Variants in FGFRL1 observed in about 807,000 individuals in gnomAD.
FGFRL1 encodes fibroblast growth factor receptor-like 1.
In FGFRL1, 24 loss-of-function variants were observed where a neutral mutation model predicts 36.8. That is an observed-to-expected ratio of 0.65 (90% CI 0.47 to 0.92). FGFRL1 has a LOEUF of 0.92. Ranked by LOEUF, FGFRL1 falls within the 40% of genes least tolerant of loss-of-function variation. The probability of loss-of-function intolerance (pLI) is 0.00; values close to 1 mark genes in which losing one functional copy is unlikely to be tolerated. For synonymous variants in FGFRL1, 422 were observed against 344.1 expected, an observed-to-expected ratio of 1.23 and a Z score of -2.50; for missense variants, 785 against 753.4, an observed-to-expected ratio of 1.04 and a Z score of -0.49.
At chr4:1,016,032 G>C (rs1715869351) in intron 2 of FGFRL1, among the ~76,000 whole-genome samples, 1 of 152,220 alleles carries the variant, frequency 6.6e-6, no homozygotes, top group Non-Finnish European at 1.5e-5. Flanking sequence ...GACAGGCCCG[G>C]TGCCCTCCTG....
Position 1,023,654 on chromosome 4 carries a change from A to G in FGFRL1, c.366A>G (p.Pro122=), listed in dbSNP as rs1716321295. 1 of 1,601,822 alleles carries G rather than the reference A, an allele frequency of 6.2e-7. No individual in the cohort carries two copies. The highest frequency in any genetic ancestry group is 8.5e-7 in the Non-Finnish European group (1 of 1,176,406). Residue 122 remains proline, a synonymous_variant, in exon 4 of 7, where the codon CCA becomes CCG. Transcript: ENST00000510644. The surrounding 1 kb of genome is among the most constrained non-coding windows in gnomAD (Gnocchi z 6.0). Reference sequence around the variant, plus strand: ...GTCTCTCTGCAGATGACATTAGCCCAGGGAAGGAGAGCCTGGGGCCCGACA... The same window carrying G: ...GTCTCTCTGCAGATGACATTAGCCCGGGGAAGGAGAGCCTGGGGCCCGACA... ...YTLVVLDDIS[P]GKESLGPDSS... is the part of the protein sequence containing the mutation.
chr4:1,010,579 G>A (rs1415516998), upstream of FGFRL1, among the ~76,000 whole-genome samples: 1 of 152,244 alleles, frequency 6.6e-6, no homozygotes, highest in African/African-American at 2.4e-5. Context: ...CAGAAAGAGA[G>A]GCTGCTCTGG....
chr4:1,014,968 C>T (rs769864699), intron 2 of FGFRL1, among the ~76,000 whole-genome samples: 5 of 152,238 alleles, frequency 3.3e-5, no homozygotes, highest in African/African-American at 7.2e-5. Flanking sequence ...AATGGGCCTC[C>T]GGGCTCCCTT....
At position 1,026,634 on chromosome 4, in the gene FGFRL1, C is replaced by G. The variant is rs1011301196; in HGVS notation, c.*1287C>G. 1.4e-5 allele frequency: 4 copies of G among 288,318 alleles called. No individual in the cohort carries two copies. Among genetic ancestry groups the G allele is most frequent in the South Asian group, 1.2e-4 (4 of 32,010 alleles). The allele number at this position is 288,318 out of a possible 1,614,324, so 17.9% of individuals were successfully genotyped here. On this transcript the variant is annotated 3_prime_UTR_variant, in exon 7 of 7. Transcript: ENST00000510644. The stretch of plus-strand genomic sequence containing the variant: ...TCTCCCCCTGACACAGAGAAGGGGC[C>G]TTGGTATTTATATTTAAGAAATGAA...
At position 1,012,527 on chromosome 4, in the gene FGFRL1, G is replaced by A; in HGVS notation, c.42G>A (p.Leu14=). Reference sequence around the variant, plus strand: ...TGTTGCTGCTCCTGCTGCCGCCGCTGCTGCTGGGGGCCTTCCCGCCGGCCG... The same window carrying A: ...TGTTGCTGCTCCTGCTGCCGCCGCTACTGCTGGGGGCCTTCCCGCCGGCCG... ...SPLLLLLLPP[L]LLGAFPPAAA... Residue 14 remains leucine, a synonymous_variant, in exon 2 of 7, where the codon CTG becomes CTA. Transcript: ENST00000510644. The A allele has an allele frequency of 6.5e-7, 1 of 1,535,890 alleles. No individual in the cohort carries two copies. Among genetic ancestry groups the A allele is most frequent in the Non-Finnish European group, 8.7e-7 (1 of 1,145,626 alleles).
chr4:1,024,569 C>T lies in FGFRL1; in HGVS notation c.977C>T (p.Thr326Ile). ...DGSYLNKLLI[T>I]RARQDDAGMY... ...TCCTACCTCAATAAGCTGCTCATCA[C>T]CCGTGCCCGCCAGGACGATGCGGGC... Residue 326 changes from threonine to isoleucine, a missense_variant, in exon 6 of 7, where the codon ACC (threonine) becomes ATC (isoleucine). By Grantham distance (89) the Thr-to-Ile change is moderately conservative. Transcript: ENST00000510644. 6.2e-7 allele frequency: 1 copy of T among 1,612,466 alleles called. No homozygotes were observed. The highest frequency in any genetic ancestry group is 2.2e-5 in the East Asian group (1 of 44,874).
rs747654089 is a variant in FGFRL1, at chr4:1,025,052, C to A, written c.1220C>A (p.Thr407Asn). The change falls in exon 7 of 7, where the codon ACC becomes AAC. Residue 407 changes from threonine to asparagine, a missense_variant. By Grantham distance (65) the Thr-to-Asn change is moderately conservative (BLOSUM62 0). Transcript: ENST00000510644. ...WLCQAQKKPC[T>N]PAPAPPLPGH... ...TGCCAGGCCCAGAAGAAGCCGTGCA[C>A]CCCCGCGCCTGCCCCTCCCCTGCCT... 19 of 1,609,888 alleles carry A rather than the reference C, an allele frequency of 1.2e-5. No homozygotes were observed. The South Asian group carries it at 1.9e-4, about 16-fold the overall frequency.
At position 1,022,257 on chromosome 4, in the gene FGFRL1, G is replaced by T. The variant is rs747436071; in HGVS notation, c.134G>T (p.Arg45Leu). 1.3e-6 allele frequency: 2 copies of T among 1,583,758 alleles called. No homozygotes were observed. Among genetic ancestry groups the T allele is most frequent in the Non-Finnish European group, 1.7e-6 (2 of 1,165,642 alleles). The change falls in exon 3 of 7, where the codon CGC (arginine) becomes CTC (leucine). Residue 45 changes from arginine (R) to leucine (L), a missense_variant. By Grantham distance (102) the Arg-to-Leu change is moderately radical (BLOSUM62 -2). Transcript: ENST00000510644. ...VVPRQVARLGRTVRLQCPVEG... is the reference protein window; with the variant it reads ...VVPRQVARLGLTVRLQCPVEG... ...CCACGGCAGGTGGCCCGGCTGGGCC[G>T]CACTGTGCGGCTGCAGTGCCCAGTG...
At chr4:1,020,492 G>C (rs1266809453) in intron 2 of FGFRL1, among the ~76,000 whole-genome samples, 2 of 151,662 alleles carry the variant, frequency 1.3e-5, no homozygotes, top group African/African-American at 4.8e-5. Flanking sequence ...TCTGAGGCCT[G>C]CAGGGTCTGT....
rs1560074997 is a variant in FGFRL1, at chr4:1,026,812, ATC to A, written c.*1469_*1470del. On this transcript the variant is annotated 3_prime_UTR_variant, in exon 7 of 7. Coordinates refer to ENST00000510644, the MANE Select transcript of FGFRL1 (RefSeq NM_001004356.3). The stretch of plus-strand genomic sequence containing the variant: ...CACCCCACTGTCGTGGTGGCCCCAG[ATC>A]TCTGTAATTTTATGTAGAGTTTGAG... The A allele has an allele frequency of 1.5e-5, 7 of 455,298 alleles. No individual in the cohort carries two copies. In the Admixed American group the frequency reaches 1.6e-4, roughly 11 times the overall value. The allele number at this position is 455,298 out of a possible 1,614,324, so 28.2% of individuals were successfully genotyped here.
chr4:1,020,007 C>T (rs751645353), intron 2 of FGFRL1, among the ~76,000 whole-genome samples: 1 of 152,238 alleles, frequency 6.6e-6, no homozygotes, highest in Non-Finnish European at 1.5e-5. Flanking sequence ...CCCTGGGCAA[C>T]GCCCCCTGTG....
At chr4:1,014,724 G>T (rs1409542740) in intron 2 of FGFRL1, among the ~76,000 whole-genome samples, 1 of 152,230 alleles carries the variant, frequency 6.6e-6, no homozygotes, top group Non-Finnish European at 1.5e-5. Context: ...AGGCCCTTCC[G>T]GGCAGTGGCT....
At chr4:1,024,759 C>T in intron 6 of FGFRL1, 95 bp downstream of exon 6, 2 of 1,420,960 alleles carry the variant, frequency 1.4e-6, no homozygotes, top group Non-Finnish European at 1.9e-6. Context: ...CCACCCTTCC[C>T]TCCCGGGCCG....
At position 1,023,349 on chromosome 4, in the gene FGFRL1, C is replaced by T. The variant is rs112059095; in HGVS notation, c.353-292C>T. ...GGCTAGGGTTACTGCAGCTGCTGGCCGGGCCCGGCTCCCTCCTCCCCCGGG... is the reference window on the plus strand; with the variant it reads ...GGCTAGGGTTACTGCAGCTGCTGGCTGGGCCCGGCTCCCTCCTCCCCCGGG... On this transcript the variant is annotated intron_variant, in intron 3 of 6. Coordinates refer to ENST00000510644, the MANE Select transcript of FGFRL1 (RefSeq NM_001004356.3). The surrounding 1 kb of genome is among the most constrained non-coding windows in gnomAD (Gnocchi z 6.0). Among the ~76,000 whole-genome samples, 2,490 of 152,142 alleles carry T rather than the reference C, an allele frequency of 0.016. 62 individuals carry two copies. Among genetic ancestry groups the T allele is most frequent in the African/African-American group, 0.054 (2,253 of 41,496 alleles).
chr4:1,024,386 C>T lies in FGFRL1; in HGVS notation c.794C>T (p.Ser265Phe). ...ACGGTGGACTTCGGGGGGACCACGT[C>T]CTTCCAGTGCAAGGTGCGCAGCGAC... is the stretch of plus-strand genomic sequence containing the variant. ...NTTVDFGGTTSFQCKVRSDVK... is the reference protein window; with the variant it reads ...NTTVDFGGTTFFQCKVRSDVK... Residue 265 changes from serine (S) to phenylalanine (F), a missense_variant, in exon 6 of 7, where the codon TCC becomes TTC. Transcript: ENST00000510644. The T allele has an allele frequency of 3.1e-6, 5 of 1,612,586 alleles. No individual in the cohort carries two copies. The highest frequency in any genetic ancestry group is 4.2e-6 in the Non-Finnish European group (5 of 1,179,828).
chr4:1,010,394 G>A (rs1471605226), upstream of FGFRL1, among the ~76,000 whole-genome samples: 3 of 152,254 alleles, frequency 2.0e-5, no homozygotes, highest in Non-Finnish European at 4.4e-5. Flanking sequence ...CGCTGGGCTG[G>A]GAACCAGCAC....
chr4:1,022,393 G>T lies in FGFRL1; in HGVS notation c.270G>T (p.Glu90Asp). The change falls in exon 3 of 7, where the codon GAG becomes GAT. Residue 90 changes from glutamate to aspartate, a missense_variant. Physicochemically the swap from Glu to Asp is conservative, Grantham distance 45. Transcript: ENST00000510644. ...LPQGLKVKQVEREDAGVYVCK... is the reference protein window; with the variant it reads ...LPQGLKVKQVDREDAGVYVCK... The stretch of plus-strand genomic sequence containing the variant: ...AGGGGCTGAAGGTGAAGCAGGTGGA[G>T]CGGGAGGATGCCGGCGTGTACGTGT... The T allele has an allele frequency of 6.2e-7, 1 of 1,611,642 alleles. No individual in the cohort carries two copies. Among genetic ancestry groups the T allele is most frequent in the South Asian group, 1.1e-5 (1 of 90,974 alleles).
intron 3 of FGFRL1, among the ~76,000 whole-genome samples, chr4:1,022,937 C>T (rs957533732): frequency 2.0e-5 from 3 of 152,196 alleles, no homozygotes; most frequent in Middle Eastern, 3.4e-3. Flanking sequence ...CCTAGGGACC[C>T]GGCACCCCGC....
intron 2 of FGFRL1, among the ~76,000 whole-genome samples, chr4:1,014,968 CG>C (rs1482680996): frequency 6.6e-6 from 1 of 152,238 alleles, no homozygotes; most frequent in Non-Finnish European, 1.5e-5. Context: ...AATGGGCCTC[CG>C]GGCTCCCTTT....
Sources: allele counts gnomAD v4.1 joint callset (sites outside exome capture counted in the v4.1 genomes callset), GRCh38; gene constraint gnomAD v4.1.1; non-coding constraint Gnocchi (gnomAD v3.1); transcripts MANE v1.5; gene names NCBI Gene and HGNC (gene_info 2026-07-23, HGNC 2026-07-21).